PCNX2: variants seen among roughly 807,000 people sequenced by gnomAD.
The protein encoded by PCNX2 is pecanex-like protein 2.
PCNX2 carries 168 observed loss-of-function variants against 223.8 expected under a neutral mutation model. That is an observed-to-expected ratio of 0.75 (90% CI 0.66 to 0.85). The LOEUF (loss-of-function observed/expected upper bound fraction) is 0.85, where lower values mean the gene tolerates loss of function less well. Among genes scored for constraint, PCNX2 ranks in the 40% least tolerant of loss-of-function variants. The pLI is 0.00. For synonymous variants in PCNX2, 1,006 were observed against 1,052.6 expected (o/e 0.96, Z 0.86); for missense variants, 2,507 against 2,675.5 (o/e 0.94, Z 1.39).
chr1:233,171,662 T>C (rs1679161066), intron 17 of PCNX2, among the ~76,000 whole-genome samples: 1 of 152,180 alleles, frequency 6.6e-6, no homozygotes, highest in Non-Finnish European at 1.5e-5. Flanking sequence ...GTGCGGATTC[T>C]TTTTTCTTTA....
At chr1:233,142,574 T>C (rs1677193754) in intron 19 of PCNX2, among the ~76,000 whole-genome samples, 1 of 152,172 alleles carries the variant, frequency 6.6e-6, no homozygotes, top group Non-Finnish European at 1.5e-5. Flanking sequence ...AACCTCCTTC[T>C]AGAGCTCACT....
At chr1:233,134,742 G>C in intron 21 of PCNX2, 1 of 512,840 alleles carries the variant, frequency 1.9e-6, no homozygotes, top group Non-Finnish European at 3.4e-6. Flanking sequence ...CTTACAATGA[G>C]ATTGTTAACA....
At chr1:233,263,983 T>C (rs879864970) in intron 1 of PCNX2, among the ~76,000 whole-genome samples, 2 of 152,118 alleles carry the variant, frequency 1.3e-5, no homozygotes, top group Admixed American at 1.3e-4. Flanking sequence ...TAGGGTTGTA[T>C]TGCACACAGG....
At chr1:233,315,930 T>C in the PCNX2 span, among the ~76,000 whole-genome samples, 1,637 of 152,286 alleles carry the variant, frequency 0.011, 29 homozygotes, top group African/African-American at 0.037. Flanking sequence ...ATAAAACCAA[T>C]TTTCATCAGA....
chr1:233,250,908 C>A, intron 7 of PCNX2, 76 bp from the exon 8 acceptor site: 1 of 1,448,838 alleles, frequency 6.9e-7, no homozygotes, highest in Non-Finnish European at 9.2e-7. Flanking sequence ...ATACAATTTT[C>A]AAGTTAAAAG....
At chr1:233,057,050 A>C (rs1672216307) in intron 24 of PCNX2, among the ~76,000 whole-genome samples, 182 bp downstream of exon 24, 1 of 152,100 alleles carries the variant, frequency 6.6e-6, no homozygotes, top group African/African-American at 2.4e-5. Context: ...GGAGCAATGC[A>C]TTGTCAAACC....
intron 1 of PCNX2, chr1:233,288,816 T>C (rs1457167273): frequency 2.7e-6 from 2 of 747,252 alleles, no homozygotes; most frequent in Admixed American, 2.9e-5. Flanking sequence ...TTTTTTTTTT[T>C]TTTTTTTTTT....
intron 21 of PCNX2, among the ~76,000 whole-genome samples, chr1:233,117,734 G>C (rs1358562167): frequency 6.6e-6 from 1 of 151,646 alleles, no homozygotes; most frequent in Non-Finnish European, 1.5e-5. Flanking sequence ...TTATAGGCCA[G>C]GCGCGGTGGC....
intron 23 of PCNX2, among the ~76,000 whole-genome samples, chr1:233,077,378 C>A (rs1408823535): frequency 6.6e-6 from 1 of 152,148 alleles, no homozygotes; most frequent in Non-Finnish European, 1.5e-5. Flanking sequence ...TCTCCTCAAC[C>A]CTCACCGGTG....
intron 1 of PCNX2, among the ~76,000 whole-genome samples, chr1:233,277,059 T>A (rs186226124): frequency 3.7e-4 from 57 of 152,290 alleles, no homozygotes; most frequent in Admixed American, 7.8e-4. Context: ...AAGGTGAGCA[T>A]GGAGATTCCA....
intron 5 of PCNX2, among the ~76,000 whole-genome samples, chr1:233,254,260 C>T (rs1659605614): frequency 6.6e-6 from 1 of 152,196 alleles, no homozygotes; most frequent in South Asian, 2.1e-4. Context: ...GTTTGCATTT[C>T]ATGTGACAGC....
intron 21 of PCNX2, among the ~76,000 whole-genome samples, chr1:233,101,133 G>C (rs1200687673): frequency 1.3e-5 from 2 of 152,184 alleles, no homozygotes; most frequent in Non-Finnish European, 2.9e-5. Context: ...TTAATGAATT[G>C]AGGAGGGAGC....
the PCNX2 span, among the ~76,000 whole-genome samples, chr1:233,310,745 T>A: frequency 1.6e-4 from 25 of 152,176 alleles, no homozygotes; most frequent in Non-Finnish European, 3.7e-4. Flanking sequence ...TTCTGCAGGC[T>A]GAACAAGAAG....
At position 233,295,432 on chromosome 1, in the gene PCNX2, G is replaced by A; in HGVS notation, c.47C>T (p.Ala16Val). Residue 16 changes from alanine to valine, a missense_variant, in exon 1 of 34, where the codon GCG (alanine) becomes GTG (valine). Ala to Val is a moderately conservative substitution (Grantham distance 64). Coordinates refer to ENST00000258229, the MANE Select transcript of PCNX2 (RefSeq NM_014801.4). The surrounding 1 kb of genome is among the most constrained non-coding windows in gnomAD (Gnocchi z 4.1). Reference protein sequence around the residue: ...LQLLRQGVWAALTGGWYHDPE... With the variant: ...LQLLRQGVWAVLTGGWYHDPE... ...GTCGTGGTACCAGCCCCCGGTGAGC[G>A]CGGCCCACACGCCCTGCCGGAGCAG... 5.8e-6 allele frequency: 9 copies of A among 1,551,702 alleles called. No homozygotes were observed. The highest frequency in any genetic ancestry group is 2.4e-5 in the South Asian group (2 of 84,068).
chr1:232,984,508 G>A (rs1421275441), intron 33 of PCNX2, 31 bp from the exon 34 acceptor site: 17 of 1,600,914 alleles, frequency 1.1e-5, no homozygotes, highest in Non-Finnish European at 1.4e-5. Flanking sequence ...ACAGTGAACA[G>A]CTCAGCAAAC....
chr1:233,112,714 C>CG, intron 21 of PCNX2: 2 of 617,992 alleles, frequency 3.2e-6, no homozygotes, highest in Non-Finnish European at 4.1e-6. Flanking sequence ...GATCTTTGAA[C>CG]AATATAACTA....
rs778157706 is a variant in PCNX2 at position 233,227,322 on chromosome 1, T to C, written c.2408A>G (p.Lys803Arg). ...EASSCSSTQGKFNREQFYKFI... is the reference protein window; with the variant it reads ...EASSCSSTQGRFNREQFYKFI... ...TTTGTAAAACTGCTCTCGGTTAAAT[T>C]TTCCTTGTGTTGAAGAACATGACGA... The change falls in exon 10 of 34, where the codon AAA (lysine) becomes AGA (arginine). Residue 803 changes from lysine (K) to arginine (R), a missense_variant. Physicochemically the swap from Lys to Arg is conservative, Grantham distance 26 (BLOSUM62 2). Around this residue, in one of 3 missense-constraint regions of PCNX2, gnomAD observed 1,031 missense variants for 1,021.7 expected, o/e 1.01. Transcript: ENST00000258229. 7 of 1,613,672 alleles carry C rather than the reference T, an allele frequency of 4.3e-6. No homozygotes were observed. Among genetic ancestry groups the C allele is most frequent in the African/African-American group, 2.7e-5 (2 of 74,984 alleles).
chr1:233,028,184 G>A (rs1250616787), intron 25 of PCNX2, among the ~76,000 whole-genome samples: 1 of 152,144 alleles, frequency 6.6e-6, no homozygotes, highest in Non-Finnish European at 1.5e-5. Context: ...TGTTTCAAAT[G>A]CTCTTGAAAA....
At chr1:233,220,076 T>C (rs1657274505) in intron 10 of PCNX2, among the ~76,000 whole-genome samples, 1 of 152,210 alleles carries the variant, frequency 6.6e-6, no homozygotes, top group Non-Finnish European at 1.5e-5. Context: ...TTAAGTACTA[T>C]GCAGTTAACG....
Sources: allele counts gnomAD v4.1 joint callset (sites outside exome capture counted in the v4.1 genomes callset), GRCh38; gene constraint gnomAD v4.1.1; regional missense constraint gnomAD v4.1.1; non-coding constraint Gnocchi (gnomAD v3.1); transcripts MANE v1.5; gene names NCBI Gene and HGNC (gene_info 2026-07-23, HGNC 2026-07-21).